RALGAPA2: variants seen among roughly 807,000 people sequenced by gnomAD.
The protein encoded by RALGAPA2 is Ral GTPase activating protein catalytic subunit alpha 2.
Under a neutral mutation model 230.4 loss-of-function variants are expected in RALGAPA2, and 139 were observed. The ratio of observed to expected loss-of-function variants is 0.60; its 90% CI spans 0.53 to 0.69. RALGAPA2 has a LOEUF of 0.69. RALGAPA2 is among the 30% of genes least tolerant of loss of function. The probability of loss-of-function intolerance (pLI) is 0.00; values close to 1 mark genes in which losing one functional copy is unlikely to be tolerated. For synonymous variants in RALGAPA2, 847 were observed against 837.8 expected, an observed-to-expected ratio of 1.01 and a Z score of -0.19; for missense variants, 2,163 against 2,276.0, an observed-to-expected ratio of 0.95 and a Z score of 1.01.
At chr20:20,535,942 G>GT in intron 25 of RALGAPA2, 139 bp from the exon 26 acceptor site, 2 of 1,338,452 alleles carry the variant, frequency 1.5e-6, no homozygotes, top group Non-Finnish European at 1.9e-6. Context: ...GTGAGAGCCT[G>GT]GGGGGAAGAA....
At chr20:20,434,960 G>T (rs562445409) in intron 37 of RALGAPA2, among the ~76,000 whole-genome samples, 11 of 152,288 alleles carry the variant, frequency 7.2e-5, no homozygotes, top group African/African-American at 2.6e-4. Context: ...TTAGAGAAAG[G>T]CATTCAAAGT....
intron 3 of RALGAPA2, among the ~76,000 whole-genome samples, chr20:20,655,333 A>AT (rs1172730334): frequency 6.6e-6 from 1 of 152,030 alleles, no homozygotes; most frequent in African/African-American, 2.4e-5. Flanking sequence ...AATTTTTTAA[A>AT]TAAAAAAAAA....
intron 37 of RALGAPA2, among the ~76,000 whole-genome samples, chr20:20,465,122 C>A (rs2123320041): frequency 6.7e-6 from 1 of 149,402 alleles, no homozygotes; most frequent in South Asian, 2.1e-4. Context: ...AATTACTCTC[C>A]AGCTTCTTCC....
intron 9 of RALGAPA2, among the ~76,000 whole-genome samples, chr20:20,631,209 C>G (rs2066663676): frequency 6.6e-6 from 1 of 152,180 alleles, no homozygotes; most frequent in Non-Finnish European, 1.5e-5. Context: ...AACAAGAAGT[C>G]CCATATGAGC....
chr20:20,557,549 C>T (rs190051759), intron 23 of RALGAPA2, among the ~76,000 whole-genome samples: 65 of 152,254 alleles, frequency 4.3e-4, no homozygotes, highest in Non-Finnish European at 8.7e-4. Context: ...TTAACACAGT[C>T]AGGTGTTGCT....
intron 37 of RALGAPA2, among the ~76,000 whole-genome samples, chr20:20,444,661 T>C (rs2060818944): frequency 2.6e-5 from 4 of 152,218 alleles, no homozygotes; most frequent in Admixed American, 2.6e-4. Flanking sequence ...TTTCCCCAAG[T>C]GGTTGATTGA....
intron 23 of RALGAPA2, among the ~76,000 whole-genome samples, chr20:20,565,824 T>C (rs1321905785): frequency 6.6e-6 from 1 of 152,234 alleles, no homozygotes; most frequent in Non-Finnish European, 1.5e-5. Flanking sequence ...TGATCATGTA[T>C]TGCCAGTGAC....
At chr20:20,413,916 G>T (rs1157763668) in intron 37 of RALGAPA2, among the ~76,000 whole-genome samples, 1 of 152,226 alleles carries the variant, frequency 6.6e-6, no homozygotes, top group African/African-American at 2.4e-5. Flanking sequence ...GCCTGCTCAG[G>T]CCCAATTCTA....
At chr20:20,459,814 G>A (rs997318833) in intron 37 of RALGAPA2, among the ~76,000 whole-genome samples, 1 of 152,202 alleles carries the variant, frequency 6.6e-6, no homozygotes, top group Non-Finnish European at 1.5e-5. Context: ...ACAAAAACGT[G>A]AATTATTTGA....
chr20:20,601,422 A>G (rs886441842), intron 16 of RALGAPA2, among the ~76,000 whole-genome samples: 1 of 152,232 alleles, frequency 6.6e-6, no homozygotes, highest in Non-Finnish European at 1.5e-5. Flanking sequence ...CAAAACCTGT[A>G]TTTTCTCTAT....
In RALGAPA2 at chr20:20,390,799, C is replaced by T. The variant is rs1411110780; in HGVS notation, c.*2490G>A. The T allele has an allele frequency of 1.3e-5, 2 of 152,224 alleles. No individual in the cohort carries two copies. Among genetic ancestry groups the T allele is most frequent in the East Asian group, 3.8e-4 (2 of 5,200 alleles). The allele number at this position is 152,224 out of a possible 1,614,324, so 9.4% of individuals were successfully genotyped here. ...AAACGTGGCTGTCAGATTCCCTGCT[C>T]CACGTTCCATCTCCAGACCAAAGCT... is the stretch of plus-strand genomic sequence containing the variant. On this transcript the variant is annotated 3_prime_UTR_variant, in exon 40 of 40. Coordinates refer to ENST00000202677, the MANE Select transcript of RALGAPA2 (RefSeq NM_020343.4).
chr20:20,465,519 G>T (rs1339073465), intron 37 of RALGAPA2, among the ~76,000 whole-genome samples: 1 of 152,192 alleles, frequency 6.6e-6, no homozygotes, highest in Non-Finnish European at 1.5e-5. Flanking sequence ...CTGAGAGAGG[G>T]GGGAAAGAGA....
In RALGAPA2 at chr20:20,520,863, G is replaced by T. The variant is rs917468666; in HGVS notation, c.4084+54C>A. ...AAAAATAGAGCAAGCATGGCTAAAG[G>T]CTAAATCCTTCCTTTTCCTTCCCAC... On this transcript the variant is annotated intron_variant, in intron 31 of 39. Transcript: ENST00000202677. The T allele has an allele frequency of 7.1e-6, 10 of 1,406,838 alleles. No homozygotes were observed. In the African/African-American group the frequency reaches 1.3e-4, roughly 18 times the overall value. The allele number at this position is 1,406,838 out of a possible 1,614,324, so 87.1% of individuals were successfully genotyped here. A position where few individuals can be genotyped will look rare whatever the true frequency, so the allele number is the denominator to read the frequency against.
Position 20,512,964 on chromosome 20 carries a change from T to C in RALGAPA2, c.4405A>G (p.Lys1469Glu). 6.2e-7 allele frequency: 1 copy of C among 1,613,634 alleles called. No individual in the cohort carries two copies. The highest frequency in any genetic ancestry group is 8.5e-7 in the Non-Finnish European group (1 of 1,179,638). ...AAAACCTTACCATCCCAAGAGTACTTCCCTGAGATATCCCTCACAATTACT... is the reference window on the plus strand; with the variant it reads ...AAAACCTTACCATCCCAAGAGTACTCCCCTGAGATATCCCTCACAATTACT... The part of the protein sequence containing the change: ...VRVIVRDISG[K>E]YSWDGKVLYG... The change falls in exon 32 of 40, where the codon AAG (lysine) becomes GAG (glutamate). Residue 1469 changes from lysine (K) to glutamate (E), a missense_variant. Coordinates refer to ENST00000202677, the MANE Select transcript of RALGAPA2 (RefSeq NM_020343.4).
chr20:20,467,495 T>C (rs1397772326), intron 37 of RALGAPA2, among the ~76,000 whole-genome samples: 4 of 152,248 alleles, frequency 2.6e-5, no homozygotes, highest in African/African-American at 9.6e-5. Flanking sequence ...TTTCTTGTGG[T>C]TCTGAGATTA....
At chr20:20,432,850 T>C (rs80231513) in intron 37 of RALGAPA2, among the ~76,000 whole-genome samples, 4,111 of 152,322 alleles carry the variant, frequency 0.027, 122 homozygotes, top group East Asian at 0.14. Flanking sequence ...ACTCCAACTC[T>C]GCAATTGTCC....
chr20:20,432,119 G>A lies in RALGAPA2; in HGVS notation c.5496-19971C>T, dbSNP rs547704945. On this transcript the variant is annotated intron_variant, in intron 37 of 39. Transcript: ENST00000202677. ...GGACTGTGAAATAGGAACCACCGTT[G>A]TTCCAAGGCTGGTGATCGTCTTCAC... is the stretch of plus-strand genomic sequence containing the variant. Among the ~76,000 whole-genome samples the A allele has an allele frequency of 2.6e-5, 4 of 152,338 alleles. No individual in the cohort carries two copies. The South Asian group carries it at 8.3e-4, about 32-fold the overall frequency.
Position 20,712,622 on chromosome 20 carries a change from G to GCCGCCT in RALGAPA2, c.-143_-142insAGGCGG. The GCCGCCT allele has an allele frequency of 8.4e-7, 1 of 1,190,714 alleles. No homozygotes were observed. 73.8% of individuals were successfully genotyped at this position (1,190,714 alleles called of 1,614,324 possible). A position where few individuals can be genotyped will look rare whatever the true frequency, so the allele number is the denominator to read the frequency against. On this transcript the variant is annotated 5_prime_UTR_variant, in exon 1 of 40. Coordinates refer to ENST00000202677, the MANE Select transcript of RALGAPA2 (RefSeq NM_020343.4). This position sits in a 1 kb window ranked among gnomAD's most constrained non-coding sequence, Gnocchi z 5.5. ...CGCTGCTGCCGCCGCCGCCGCCGCC[G>GCCGCCT]CCGCCGCCTCAGCTGTGTCTCCAGG...
chr20:20,630,376 G>A (rs956770846), intron 9 of RALGAPA2, among the ~76,000 whole-genome samples: 20 of 152,144 alleles, frequency 1.3e-4, no homozygotes, highest in African/African-American at 4.8e-4. Flanking sequence ...CCCACTGTGA[G>A]TATTTTTTAC....
Sources: allele counts gnomAD v4.1 joint callset (sites outside exome capture counted in the v4.1 genomes callset), GRCh38; gene constraint gnomAD v4.1.1; non-coding constraint Gnocchi (gnomAD v3.1); transcripts MANE v1.5; gene names NCBI Gene and HGNC (gene_info 2026-07-23, HGNC 2026-07-21).